LIPC: variants seen among roughly 807,000 people sequenced by gnomAD.
LIPC encodes lipase C, hepatic type.
In LIPC, 44 loss-of-function variants were observed where a neutral mutation model predicts 50.7. The observed-to-expected ratio is 0.87, with a 90% CI of 0.68 to 1.11. The LOEUF (loss-of-function observed/expected upper bound fraction) is 1.11. Ranked by LOEUF, LIPC falls within the 50% of genes most tolerant of loss-of-function variation. LIPC has a pLI of 0.00. For synonymous variants in LIPC, 271 were observed against 256.4 expected (o/e 1.06, Z -0.54); for missense variants, 697 against 648.2 (o/e 1.08, Z -0.82).
At position 58,486,239 on chromosome 15, in the gene LIPC, C is replaced by T. The variant is rs867096623; in HGVS notation, c.89-52094C>T. Among the ~76,000 whole-genome samples the T allele has an allele frequency of 4.6e-5, 7 of 152,328 alleles. No individual in the cohort carries two copies. The South Asian group carries it at 1.2e-3, about 27-fold the overall frequency. On this transcript the variant is annotated intron_variant, in intron 1 of 8. Coordinates refer to ENST00000299022, the MANE Select transcript of LIPC (RefSeq NM_000236.3). ...AGAGTCCCACTCCTTGGATGAGTCT[C>T]ACCCAGAGCATCCCTCCCCCATCTC...
chr15:58,516,237 C>CTTTTTTTTTTTTTT (rs11351202), intron 1 of LIPC, among the ~76,000 whole-genome samples: 1 of 45,164 alleles, frequency 2.2e-5, no homozygotes, highest in Non-Finnish European at 4.1e-5. Context: ...CCTCTAGCTT[C>CTTTTTTTTTTTTTT]TTTTTTTTTT....
intron 6 of LIPC, among the ~76,000 whole-genome samples, chr15:58,559,599 G>C (rs1308332137): frequency 6.6e-6 from 1 of 151,448 alleles, no homozygotes; most frequent in African/African-American, 2.4e-5. Context: ...GAACACTGTA[G>C]ATGCTTAGAG....
At chr15:58,473,880 C>T (rs1164067701) in intron 1 of LIPC, 1 of 152,438 alleles carries the variant, frequency 6.6e-6, no homozygotes, top group South Asian at 2.1e-4. Context: ...CCAAGCTAGT[C>T]CACTCAGTCC....
intron 1 of LIPC, among the ~76,000 whole-genome samples, chr15:58,472,026 T>G (rs1175133334): frequency 6.6e-6 from 1 of 152,132 alleles, no homozygotes; most frequent in Non-Finnish European, 1.5e-5. Context: ...TCCCAGCACT[T>G]TGGGAGGCCA....
chr15:58,454,198 T>C (rs1894024134), intron 1 of LIPC: 1 of 152,248 alleles, frequency 6.6e-6, no homozygotes. Context: ...CTGGGTGAAC[T>C]TGGAGCAAAT....
intron 1 of LIPC, among the ~76,000 whole-genome samples, chr15:58,519,771 A>G (rs1892598311): frequency 6.6e-6 from 1 of 152,228 alleles, no homozygotes; most frequent in African/African-American, 2.4e-5. Context: ...TCTTGGCATC[A>G]GCAGCCCTTG....
chr15:58,478,382 G>A (rs1595883227), intron 1 of LIPC, among the ~76,000 whole-genome samples: 4 of 152,224 alleles, frequency 2.6e-5, no homozygotes, highest in Admixed American at 2.6e-4. Context: ...GGGACTACAG[G>A]CGCACACCAC....
rs1340817804 is a variant in LIPC, at chr15:58,568,994, G to A, written c.*167G>A. On this transcript the variant is annotated 3_prime_UTR_variant, in exon 9 of 9. Coordinates refer to ENST00000299022, the MANE Select transcript of LIPC (RefSeq NM_000236.3). ...TCTCATAAACTGAGCTTTTAAAAAC[G>A]ATATGATATAACTATTTTCCAGTAT... 9 of 511,786 alleles carry A rather than the reference G, an allele frequency of 1.8e-5. No homozygotes were observed. Among genetic ancestry groups the A allele is most frequent in the Admixed American group, 1.7e-4 (5 of 28,620 alleles). The allele number at this position is 511,786 out of a possible 1,614,324, so 31.7% of individuals were successfully genotyped here.
intron 7 of LIPC, among the ~76,000 whole-genome samples, chr15:58,562,915 G>C (rs770991656): frequency 6.6e-6 from 1 of 151,368 alleles, no homozygotes; most frequent in African/African-American, 2.4e-5. Flanking sequence ...AGGGCATCTC[G>C]CTGCTCTGTC....
intron 6 of LIPC, among the ~76,000 whole-genome samples, chr15:58,549,591 A>T (rs530026009): frequency 6.6e-5 from 10 of 152,336 alleles, no homozygotes; most frequent in African/African-American, 2.2e-4. Context: ...GGAGACCTGG[A>T]ACAGGGCCAC....
At chr15:58,527,296 G>T (rs1399885655) in intron 1 of LIPC, among the ~76,000 whole-genome samples, 1 of 152,092 alleles carries the variant, frequency 6.6e-6, no homozygotes, top group Non-Finnish European at 1.5e-5. Flanking sequence ...GATAGGAACC[G>T]CTGTGCTGCA....
chr15:58,457,014 C>A (rs191723058), intron 1 of LIPC, among the ~76,000 whole-genome samples: 2 of 152,198 alleles, frequency 1.3e-5, no homozygotes, highest in Admixed American at 1.3e-4. Flanking sequence ...TGCCCAGGGC[C>A]GGGCACCTCC....
At chr15:58,530,552 T>C (rs1892931261) in intron 1 of LIPC, among the ~76,000 whole-genome samples, 1 of 152,244 alleles carries the variant, frequency 6.6e-6, no homozygotes, top group Non-Finnish European at 1.5e-5. Context: ...TTGACTATAG[T>C]GCAGTATTCC....
chr15:58,443,976 T>C (rs538151828), intron 1 of LIPC, among the ~76,000 whole-genome samples: 2 of 152,268 alleles, frequency 1.3e-5, no homozygotes, highest in Non-Finnish European at 2.9e-5. Context: ...CAAATCACAA[T>C]GGTGGAGTGT....
chr15:58,556,186 T>C (rs1460253432), intron 6 of LIPC, among the ~76,000 whole-genome samples: 1 of 152,212 alleles, frequency 6.6e-6, no homozygotes, highest in Non-Finnish European at 1.5e-5. Context: ...TATTTTATCA[T>C]CCTTGGTGTC....
intron 8 of LIPC, chr15:58,566,428 T>C: frequency 1.0e-6 from 1 of 985,092 alleles, no homozygotes; most frequent in Non-Finnish European, 1.2e-6. Context: ...GACTCAGTTG[T>C]TTAGTGATAA....
At chr15:58,538,729 T>C (rs1186147462) in intron 2 of LIPC, among the ~76,000 whole-genome samples, 2 of 152,148 alleles carry the variant, frequency 1.3e-5, no homozygotes, top group Non-Finnish European at 2.9e-5. Context: ...GAAAATATAA[T>C]TATCTCCATG....
At chr15:58,449,071 C>T (rs559486202) in intron 1 of LIPC, among the ~76,000 whole-genome samples, 6 of 152,172 alleles carry the variant, frequency 3.9e-5, no homozygotes, top group African/African-American at 1.4e-4. Flanking sequence ...AGTGGGGGCT[C>T]AAACACAGGT....
chr15:58,566,175 A>G (rs1894359899), intron 8 of LIPC: 1 of 985,260 alleles, frequency 1.0e-6, no homozygotes, highest in Non-Finnish European at 1.2e-6. Context: ...CACACTTTGA[A>G]TAGTGAGAGT....
Sources: allele counts gnomAD v4.1 joint callset (sites outside exome capture counted in the v4.1 genomes callset), GRCh38; gene constraint gnomAD v4.1.1; transcripts MANE v1.5; gene names NCBI Gene and HGNC (gene_info 2026-07-23, HGNC 2026-07-21).